NUP210L: variants seen among roughly 807,000 people sequenced by gnomAD.
NUP210L encodes nucleoporin 210 like, also known as nuclear pore membrane glycoprotein 210-like.
Under a neutral mutation model 208.5 loss-of-function variants are expected in NUP210L, and 74 were observed. The observed-to-expected ratio is 0.35, with a 90% CI of 0.29 to 0.43. The LOEUF (loss-of-function observed/expected upper bound fraction) is 0.43. NUP210L is among the 20% of genes least tolerant of loss of function. The pLI, the probability that NUP210L is intolerant of heterozygous loss-of-function variation, is 1.00. For missense variants in NUP210L, 1,843 were observed against 2,289.4 expected (o/e 0.81, Z 3.98); for synonymous variants, 780 against 816.9 (o/e 0.95, Z 0.77).
At chr1:154,138,295 G>T in intron 5 of NUP210L, 57 bp from the exon 6 acceptor site, 1 of 1,447,948 alleles carries the variant, frequency 6.9e-7, no homozygotes, top group Non-Finnish European at 9.2e-7. Flanking sequence ...AACCCTCACA[G>T]TCATCTTTCT....
intron 27 of NUP210L, among the ~76,000 whole-genome samples, chr1:154,043,502 T>TG (rs1653004984): frequency 6.6e-6 from 1 of 151,034 alleles, no homozygotes; most frequent in East Asian, 2.0e-4. Context: ...TTAGTAGAGA[T>TG]GGGGTTTCTT....
chr1:154,140,118 A>C (rs1658763814), intron 4 of NUP210L, among the ~76,000 whole-genome samples, 166 bp from the exon 5 acceptor site: 2 of 152,182 alleles, frequency 1.3e-5, no homozygotes, highest in Non-Finnish European at 2.9e-5. Flanking sequence ...TGGGAGGCCA[A>C]GGCGGGCACA....
intron 28 of NUP210L, among the ~76,000 whole-genome samples, chr1:154,029,481 A>C (rs367841611): frequency 2.7e-4 from 41 of 151,846 alleles, no homozygotes; most frequent in African/African-American, 9.9e-4. Context: ...AGGCAGGAGG[A>C]TCACTTGAGG....
chr1:154,091,375 T>G (rs1223430066), intron 15 of NUP210L, among the ~76,000 whole-genome samples: 2 of 151,922 alleles, frequency 1.3e-5, no homozygotes, highest in South Asian at 4.1e-4. Flanking sequence ...GGATTACAAG[T>G]GTGAGCCACT....
At chr1:154,133,795 C>T (rs1269645749) in intron 7 of NUP210L, among the ~76,000 whole-genome samples, 4 of 151,798 alleles carry the variant, frequency 2.6e-5, no homozygotes, top group Non-Finnish European at 5.9e-5. Flanking sequence ...GAGCCAAGAG[C>T]CAAGATTGCA....
chr1:154,128,630 C>T (rs1346292856), intron 8 of NUP210L, among the ~76,000 whole-genome samples: 3 of 149,090 alleles, frequency 2.0e-5, no homozygotes, highest in African/African-American at 2.5e-5. Flanking sequence ...GAGAGCAAAT[C>T]GCTTGAGCTC....
chr1:154,022,984 A>C, intron 31 of NUP210L, 138 bp downstream of exon 31: 1 of 917,420 alleles, frequency 1.1e-6, no homozygotes, highest in Non-Finnish European at 1.6e-6. Flanking sequence ...CCTCACTTAA[A>C]AAAATTTTTT....
intron 10 of NUP210L, among the ~76,000 whole-genome samples, chr1:154,121,815 C>T (rs190745557): frequency 6.4e-4 from 96 of 150,984 alleles, no homozygotes; most frequent in African/African-American, 2.2e-3. Flanking sequence ...TGCAGTGGGC[C>T]GAGATCGTTC....
At chr1:154,129,308 G>A (rs1658133481) in exon 8 of NUP210L, 1 of 1,610,732 alleles carries the variant, frequency 6.2e-7, no homozygotes, top group Non-Finnish European at 8.5e-7. Flanking sequence ...CATATATGGT[G>A]CAATTTGGGA....
intron 27 of NUP210L, among the ~76,000 whole-genome samples, chr1:154,036,315 TGTGTGTG>T (rs1557931254): frequency 3.8e-4 from 1 of 2,622 alleles, no homozygotes. Flanking sequence ...AGTTGGAACA[TGTGTGTG>T]TGTGTGTGTG....
At chr1:154,153,020 C>T (rs964041648) in intron 1 of NUP210L, 148 bp from the exon 2 acceptor site, 6 of 645,980 alleles carry the variant, frequency 9.3e-6, no homozygotes, top group Admixed American at 3.0e-5. Flanking sequence ...CTTAGGGATG[C>T]GATAATTAAA....
exon 17 of NUP210L, chr1:154,070,332 T>A (rs766937479): frequency 6.2e-7 from 1 of 1,613,220 alleles, no homozygotes; most frequent in Admixed American, 1.7e-5. Flanking sequence ...TGATTTATAA[T>A]CTTCGAAATG....
chr1:154,054,153 C>T lies in NUP210L; in HGVS notation c.3483+75G>A, dbSNP rs374636498. 22 of 1,498,716 alleles carry T rather than the reference C, an allele frequency of 1.5e-5. No individual in the cohort carries two copies. In the African/African-American group the frequency reaches 2.6e-4, roughly 18 times the overall value. The allele number at this position is 1,498,716 out of a possible 1,614,324, so 92.8% of individuals were successfully genotyped here. A position where few individuals can be genotyped will look rare whatever the true frequency, so the allele number is the denominator to read the frequency against. On this transcript the variant is annotated intron_variant, in intron 25 of 39. Coordinates refer to ENST00000368559, the Ensembl canonical transcript of NUP210L. Reference sequence around the variant, plus strand: ...TGGGCTGCTGACACCCTCCTCATTACCACTGCCTCCCTATCTCCCACAGTA... The same window carrying T: ...TGGGCTGCTGACACCCTCCTCATTATCACTGCCTCCCTATCTCCCACAGTA...
At chr1:154,128,201 T>A (rs1658078444) in intron 8 of NUP210L, among the ~76,000 whole-genome samples, 1 of 152,120 alleles carries the variant, frequency 6.6e-6, no homozygotes, top group East Asian at 1.9e-4. Context: ...TCAAATTGTA[T>A]AAGGCTTGGC....
chr1:154,038,247 C>T (rs1319918615), intron 27 of NUP210L, among the ~76,000 whole-genome samples: 1 of 152,062 alleles, frequency 6.6e-6, no homozygotes, highest in Non-Finnish European at 1.5e-5. Flanking sequence ...ATCCTCCCAC[C>T]TCAGCCTCCT....
At chr1:154,014,691 T>A (rs1651140881) in intron 33 of NUP210L, among the ~76,000 whole-genome samples, 1 of 152,216 alleles carries the variant, frequency 6.6e-6, no homozygotes. Context: ...TGTGCACACA[T>A]ATTGAGTAAC....
intron 4 of NUP210L, among the ~76,000 whole-genome samples, chr1:154,140,352 A>G (rs1658783428): frequency 7.0e-6 from 1 of 142,724 alleles, no homozygotes; most frequent in Non-Finnish European, 1.5e-5. Flanking sequence ...CTCCGTCTCA[A>G]AAAAAAAAAA....
intron 12 of NUP210L, among the ~76,000 whole-genome samples, chr1:154,115,728 T>C (rs1657286081): frequency 6.6e-6 from 1 of 152,192 alleles, no homozygotes; most frequent in Non-Finnish European, 1.5e-5. Context: ...TCATGTGTTA[T>C]GTATCTCTGA....
chr1:154,152,002 A>G (rs1659410157), intron 2 of NUP210L, among the ~76,000 whole-genome samples: 3 of 148,946 alleles, frequency 2.0e-5, no homozygotes, highest in African/African-American at 7.4e-5. Context: ...AGCCAGGAGA[A>G]TCGCTTGAAC....
Sources: allele counts gnomAD v4.1 joint callset (sites outside exome capture counted in the v4.1 genomes callset), GRCh38; gene constraint gnomAD v4.1.1; transcripts MANE v1.5; gene names NCBI Gene and HGNC (gene_info 2026-07-23, HGNC 2026-07-21).